Variants in MMRN1 observed in about 807,000 individuals in gnomAD.
MMRN1 encodes the protein multimerin 1.
MMRN1 carries 94 observed loss-of-function variants against 100.7 expected under a neutral mutation model. The ratio of observed to expected loss-of-function variants is 0.93; its 90% CI spans 0.79 to 1.11. The LOEUF (loss-of-function observed/expected upper bound fraction) is 1.11, where lower values mean the gene tolerates loss of function less well. Among genes scored for constraint, MMRN1 ranks in the 50% least tolerant of loss-of-function variants. The probability of loss-of-function intolerance (pLI) is 0.00; values close to 1 mark genes in which losing one functional copy is unlikely to be tolerated. For synonymous variants in MMRN1, 575 were observed against 505.0 expected, an observed-to-expected ratio of 1.14 and a Z score of -1.86; for missense variants, 1,606 against 1,439.1, an observed-to-expected ratio of 1.12 and a Z score of -1.88.
intron 1 of MMRN1, among the ~76,000 whole-genome samples, chr4:89,908,743 A>G (rs940402472): frequency 6.6e-6 from 1 of 151,534 alleles, no homozygotes; most frequent in East Asian, 1.9e-4. Flanking sequence ...AAACATTTAT[A>G]TTTGATTACA....
chr4:89,935,671 C>A lies in MMRN1; in HGVS notation c.1991C>A (p.Thr664Lys). 1 of 1,613,234 alleles carries A rather than the reference C, an allele frequency of 6.2e-7. No individual in the cohort carries two copies. The highest frequency in any genetic ancestry group is 8.5e-7 in the Non-Finnish European group (1 of 1,179,662). The change falls in exon 6 of 8, where the codon ACA becomes AAA. Residue 664 changes from threonine (T) to lysine (K), a missense_variant. Transcript: ENST00000264790. ...GGAGCATCACTCAGACAGACAATGA[C>A]ATATGAACAACCAAAGGAAGCAATA... ...EQGASLRQTM[T>K]YEQPKEAIVI...
intron 1 of MMRN1, among the ~76,000 whole-genome samples, chr4:89,906,290 A>G (rs1721562225): frequency 6.6e-6 from 1 of 151,502 alleles, no homozygotes; most frequent in Non-Finnish European, 1.5e-5. Context: ...TCCCCTCTCT[A>G]TTTTATATGT....
At position 89,909,452 on chromosome 4, in the gene MMRN1, G is replaced by A. The variant is rs41284763; in HGVS notation, c.743+57G>A. On this transcript the variant is annotated intron_variant, in intron 2 of 7. Transcript: ENST00000264790. ...TTTTGCACCATAATAAATTATAGCCGGGAATATATAATGTTATTCATGCAA... is the reference window on the plus strand; with the variant it reads ...TTTTGCACCATAATAAATTATAGCCAGGAATATATAATGTTATTCATGCAA... The A allele has an allele frequency of 2.4e-4, 375 of 1,577,072 alleles. 4 individuals are homozygous for A. The South Asian group carries it at 2.4e-3, about 10-fold the overall frequency.
At chr4:89,921,116 C>A (rs752627206) in intron 3 of MMRN1, among the ~76,000 whole-genome samples, 34 of 151,984 alleles carry the variant, frequency 2.2e-4, no homozygotes, top group Non-Finnish European at 4.4e-4. Context: ...ACAAAGTATC[C>A]ACAGCCTACT....
In MMRN1 at chr4:89,935,383, A is replaced by G. The variant is rs1198785703; in HGVS notation, c.1703A>G (p.His568Arg). 1.2e-6 allele frequency: 2 copies of G among 1,613,422 alleles called. No homozygotes were observed. Among genetic ancestry groups the G allele is most frequent in the Admixed American group, 1.7e-5 (1 of 59,924 alleles). ...ATGCTGCAAATGTTTGAAGATTTGC[A>G]CATTCAAGAAAGCAAGATTAACAAT... ...LMMLQMFEDLHIQESKINNLT... is the reference protein window; with the variant it reads ...LMMLQMFEDLRIQESKINNLT... The change falls in exon 6 of 8, where the codon CAC becomes CGC. Residue 568 changes from histidine (H) to arginine (R), a missense_variant. By Grantham distance (29) the His-to-Arg change is conservative (BLOSUM62 0). Transcript: ENST00000264790.
chr4:89,947,908 A>G (rs1306880765), intron 6 of MMRN1, among the ~76,000 whole-genome samples: 2 of 152,160 alleles, frequency 1.3e-5, no homozygotes, highest in Non-Finnish European at 2.9e-5. Flanking sequence ...GCTGGAGTGC[A>G]GTGGCGTGAC....
rs200091183 is a variant in MMRN1, at chr4:89,936,789, A to G, written c.3109A>G (p.Ile1037Val). 1.3e-3 allele frequency: 2,010 copies of G among 1,586,708 alleles called. 1 individual carries two copies. Among genetic ancestry groups the G allele is most frequent in the Non-Finnish European group, 1.6e-3 (1,877 of 1,171,168 alleles). Reference sequence around the variant, plus strand: ...GACTCAAAGAAACACGGACAACATAATATATCCTGGTAAGCTGTTACTGAA... The same window carrying G: ...GACTCAAAGAAACACGGACAACATAGTATATCCTGGTAAGCTGTTACTGAA... ...GRTQRNTDNIIYPEEYSSCSR... is the reference protein window; with the variant it reads ...GRTQRNTDNIVYPEEYSSCSR... Residue 1037 changes from isoleucine to valine, a missense_variant, in exon 6 of 8, where the codon ATA becomes GTA. Physicochemically the swap from Ile to Val is conservative, Grantham distance 29. Coordinates refer to ENST00000264790, the MANE Select transcript of MMRN1 (RefSeq NM_007351.3).
chr4:89,882,042 G>A lies in MMRN1; in HGVS notation c.-249+2440G>A, dbSNP rs976080010. The stretch of plus-strand genomic sequence containing the variant: ...TAAATAACCCTCTCAGAAAGATTAC[G>A]TTAGTATTTTGGTGATGTTGATGTA... On this transcript the variant is annotated intron_variant, in intron 1 of 8. Coordinates refer to the MMRN1 transcript ENST00000394980. Among the ~76,000 whole-genome samples the A allele has an allele frequency of 4.6e-5, 7 of 151,842 alleles. No homozygotes were observed. In the East Asian group the frequency reaches 9.7e-4, roughly 21 times the overall value.
In MMRN1 at chr4:89,951,699, T is replaced by C. The variant is rs537486512; in HGVS notation, c.3213T>C (p.Phe1071=). 7 of 1,608,480 alleles carry C rather than the reference T, an allele frequency of 4.4e-6. No individual in the cohort carries two copies. The African/African-American group carries it at 9.4e-5, about 22-fold the overall frequency. The change falls in exon 7 of 8, where the codon TTT becomes TTC. Residue 1071 remains phenylalanine (F), a synonymous_variant. Coordinates refer to ENST00000264790, the MANE Select transcript of MMRN1 (RefSeq NM_007351.3). ...TTACCTGTGCCTGCAGACATCCTTTTACTGGTGACAACTGCACTATCAAGC... is the reference window on the plus strand; with the variant it reads ...TTACCTGTGCCTGCAGACATCCTTTCACTGGTGACAACTGCACTATCAAGC... The part of the protein sequence containing the change: ...TSFTCACRHP[F]TGDNCTIKLV...
chr4:89,949,403 A>C (rs1723089039), intron 6 of MMRN1, among the ~76,000 whole-genome samples: 1 of 152,204 alleles, frequency 6.6e-6, no homozygotes, highest in Non-Finnish European at 1.5e-5. Context: ...TTCTCCTGTG[A>C]GTTGATCACT....
At chr4:89,891,230 G>A (rs1048540379), upstream of MMRN1, among the ~76,000 whole-genome samples, 1 of 151,928 alleles carries the variant, frequency 6.6e-6, no homozygotes, top group Non-Finnish European at 1.5e-5. Flanking sequence ...ACTTTTGAAG[G>A]TGTGTTCCCG....
At position 89,919,646 on chromosome 4, in the gene MMRN1, TG is replaced by T. The variant is rs1722027380; in HGVS notation, c.851-3521del. Among the ~76,000 whole-genome samples, 3 of 152,108 alleles carry T rather than the reference TG, an allele frequency of 2.0e-5. No individual in the cohort carries two copies. The South Asian group carries it at 6.2e-4, about 31-fold the overall frequency. On this transcript the variant is annotated intron_variant, in intron 3 of 7. Transcript: ENST00000264790. ...AAAGATGTTCCAGACTAACTGAGTTTGCAGAGTATCATTACCTAATTTAGGA... is the reference window on the plus strand; with the variant it reads ...AAAGATGTTCCAGACTAACTGAGTTTCAGAGTATCATTACCTAATTTAGGA...
upstream of MMRN1, among the ~76,000 whole-genome samples, chr4:89,894,093 A>T (rs1394481332): frequency 6.6e-6 from 1 of 152,000 alleles, no homozygotes; most frequent in Non-Finnish European, 1.5e-5. Flanking sequence ...TTTTTTCTTC[A>T]TCTATCCCTT....
At chr4:89,941,792 A>G (rs11937234) in intron 6 of MMRN1, among the ~76,000 whole-genome samples, 5,136 of 152,258 alleles carry the variant, frequency 0.034, 264 homozygotes, top group African/African-American at 0.11. Flanking sequence ...GATATTCTTC[A>G]TGTCAGAACT....
In MMRN1 at chr4:89,913,771, A is replaced by G. The variant is rs533451824; in HGVS notation, c.850+1721A>G. ...ATGTCCCAGAACAGTTCTGATTATG[A>G]CCTTCTGTCATAATAGTGTAATTGG... is the stretch of plus-strand genomic sequence containing the variant. On this transcript the variant is annotated intron_variant, in intron 3 of 7. Coordinates refer to ENST00000264790, the MANE Select transcript of MMRN1 (RefSeq NM_007351.3). 2.7e-3 allele frequency among the ~76,000 whole-genome samples: 406 copies of G among 151,384 alleles called. 3 individuals carry two copies. The highest frequency in any genetic ancestry group is 9.1e-3 in the African/African-American group (376 of 41,440).
At chr4:89,903,779 G>A (rs561515152) in intron 1 of MMRN1, among the ~76,000 whole-genome samples, 1 of 151,628 alleles carries the variant, frequency 6.6e-6, no homozygotes, top group East Asian at 1.9e-4. Context: ...CAGGTAGCCT[G>A]GCTCCAGCGA....
intron 2 of MMRN1, among the ~76,000 whole-genome samples, chr4:89,911,098 T>G (rs138737462): frequency 6.6e-6 from 1 of 151,484 alleles, no homozygotes; most frequent in Non-Finnish European, 1.5e-5. Flanking sequence ...GCCTTCATCA[T>G]AAACTAAAAT....
At chr4:89,942,325 T>C (rs1722858945) in intron 6 of MMRN1, among the ~76,000 whole-genome samples, 1 of 152,208 alleles carries the variant, frequency 6.6e-6, no homozygotes, top group African/African-American at 2.4e-5. Context: ...TCATTAACTA[T>C]ATTATGAATT....
intron 3 of MMRN1, among the ~76,000 whole-genome samples, chr4:89,917,446 G>A (rs1419462121): frequency 3.3e-5 from 5 of 151,732 alleles, no homozygotes; most frequent in Non-Finnish European, 4.4e-5. Flanking sequence ...GTGGGAAGGG[G>A]CAGCAGCCAC....
Sources: allele counts gnomAD v4.1 joint callset (sites outside exome capture counted in the v4.1 genomes callset), GRCh38; gene constraint gnomAD v4.1.1; transcripts MANE v1.5; gene names NCBI Gene and HGNC (gene_info 2026-07-23, HGNC 2026-07-21).